PPARD: variants seen among roughly 807,000 people sequenced by gnomAD.
The protein encoded by PPARD is peroxisome proliferator-activated receptor delta.
A neutral mutation model predicts 39.5 loss-of-function variants in PPARD; 6 were observed. That is an observed-to-expected ratio of 0.15 (90% CI 0.08 to 0.30). The LOEUF is 0.30. Ranked by LOEUF, PPARD falls within the 10% of genes least tolerant of loss-of-function variation. The pLI is 1.00. For missense variants in PPARD, 397 were observed against 596.8 expected, an observed-to-expected ratio of 0.67 and a Z score of 3.49; for synonymous variants, 210 against 231.3, an observed-to-expected ratio of 0.91 and a Z score of 0.83.
Position 35,426,617 on chromosome 6 carries a change from C to CT in PPARD, c.*539dup, listed in dbSNP as rs1413997403. ...GCCATCCAAAGAAACACTAAGCTCT[C>CT]TGGGCCTGGGTTCCAGGGAAGGCTA... is the stretch of plus-strand genomic sequence containing the variant. On this transcript the variant is annotated 3_prime_UTR_variant, in exon 8 of 8. Coordinates refer to ENST00000360694, the MANE Select transcript of PPARD (RefSeq NM_006238.5). 1 of 162,924 alleles carries CT rather than the reference C, an allele frequency of 6.1e-6. No individual in the cohort carries two copies. The highest frequency in any genetic ancestry group is 2.4e-5 in the African/African-American group (1 of 41,514). 10.1% of individuals were successfully genotyped at this position (162,924 alleles called of 1,614,324 possible).
At chr6:35,348,312 A>G (rs1282832528) in intron 2 of PPARD, 1 of 976,382 alleles carries the variant, frequency 1.0e-6, no homozygotes, top group Non-Finnish European at 1.2e-6. Context: ...GTTTGCTGGT[A>G]TATATGAGAG....
At chr6:35,386,038 C>A (rs532500957) in intron 2 of PPARD, among the ~76,000 whole-genome samples, 1 of 152,188 alleles carries the variant, frequency 6.6e-6, no homozygotes, top group Admixed American at 6.5e-5. Context: ...GGGCAAGTTA[C>A]CCTCCTGTCC....
chr6:35,393,707 A>G (rs1265407862), intron 2 of PPARD, among the ~76,000 whole-genome samples: 2 of 152,178 alleles, frequency 1.3e-5, no homozygotes, highest in Non-Finnish European at 2.9e-5. Flanking sequence ...ATGCTTAAGA[A>G]GTCTTTCTGG....
chr6:35,372,379 A>G (rs1762530378), intron 2 of PPARD, among the ~76,000 whole-genome samples: 2 of 152,104 alleles, frequency 1.3e-5, no homozygotes, highest in Admixed American at 6.5e-5. Flanking sequence ...GGGTTTCACC[A>G]TGTTGGCCAG....
At chr6:35,408,243 C>T (rs1765184114) in intron 2 of PPARD, among the ~76,000 whole-genome samples, 1 of 152,246 alleles carries the variant, frequency 6.6e-6, no homozygotes, top group Admixed American at 6.5e-5. Context: ...TTTTCGGAAG[C>T]TCCTCCTGGT....
At chr6:35,403,975 C>T (rs1030306119) in intron 2 of PPARD, among the ~76,000 whole-genome samples, 2 of 152,156 alleles carry the variant, frequency 1.3e-5, no homozygotes, top group South Asian at 2.1e-4. Context: ...CTTCAGCACA[C>T]AGGAGTCATT....
chr6:35,343,869 A>G (rs1334752748), intron 1 of PPARD, among the ~76,000 whole-genome samples: 1 of 151,540 alleles, frequency 6.6e-6, no homozygotes, highest in East Asian at 1.9e-4. Context: ...CTCTGCCCTC[A>G]CTCCCACCCT....
chr6:35,406,134 C>T (rs748483711), intron 2 of PPARD, among the ~76,000 whole-genome samples: 2 of 152,176 alleles, frequency 1.3e-5, no homozygotes, highest in Non-Finnish European at 2.9e-5. Flanking sequence ...CCATGTTGCC[C>T]AGGCTGGTCT....
In PPARD at chr6:35,406,474, ATGGCAGGCTTC is replaced by A. The variant is rs1765057427; in HGVS notation, c.-101-4507_-101-4497del. Among the ~76,000 whole-genome samples, 5 of 152,292 alleles carry A rather than the reference ATGGCAGGCTTC, an allele frequency of 3.3e-5. No homozygotes were observed. The South Asian group carries it at 1.0e-3, about 32-fold the overall frequency. Reference sequence around the variant, plus strand: ...GATGGAGCAAGGAGGCCATATGAAAATGGCAGGCTTCTGGCAAAATGCAGGGATGGGCTGCA... The same window carrying A: ...GATGGAGCAAGGAGGCCATATGAAAATGGCAAAATGCAGGGATGGGCTGCA... On this transcript the variant is annotated intron_variant, in intron 2 of 7. Coordinates refer to ENST00000360694, the MANE Select transcript of PPARD (RefSeq NM_006238.5).
chr6:35,387,712 C>G (rs1414764810), intron 2 of PPARD, among the ~76,000 whole-genome samples: 3 of 138,224 alleles, frequency 2.2e-5, no homozygotes, highest in Non-Finnish European at 4.5e-5. Context: ...AGATACACTG[C>G]ATTCTTTTTT....
chr6:35,358,605 C>T (rs1761752662), intron 2 of PPARD, among the ~76,000 whole-genome samples: 1 of 152,146 alleles, frequency 6.6e-6, no homozygotes, highest in Admixed American at 6.5e-5. Context: ...GTATTTGAAA[C>T]AATCTGCACT....
At chr6:35,357,912 C>A (rs1482640284) in intron 2 of PPARD, among the ~76,000 whole-genome samples, 1 of 152,186 alleles carries the variant, frequency 6.6e-6, no homozygotes, top group African/African-American at 2.4e-5. Flanking sequence ...GGCTCCTAAT[C>A]TGACACTTCT....
chr6:35,406,550 G>A (rs188510802), intron 2 of PPARD, among the ~76,000 whole-genome samples: 33 of 152,314 alleles, frequency 2.2e-4, no homozygotes, highest in African/African-American at 5.5e-4. Context: ...CCCAAGGGAC[G>A]TGGGTAGGTT....
intron 2 of PPARD, among the ~76,000 whole-genome samples, chr6:35,362,581 A>G (rs1299204064): frequency 6.6e-6 from 1 of 152,124 alleles, no homozygotes; most frequent in Non-Finnish European, 1.5e-5. Context: ...TAGGAAGGGT[A>G]ATGCCAGGGC....
At chr6:35,353,744 T>A (rs1338421869) in intron 2 of PPARD, among the ~76,000 whole-genome samples, 5 of 151,934 alleles carry the variant, frequency 3.3e-5, no homozygotes, top group Non-Finnish European at 7.4e-5. Context: ...GCAGAAAGAA[T>A]TTGAAGGAGG....
chr6:35,423,932 C>A lies in PPARD; in HGVS notation c.425-14C>A. 6.2e-7 allele frequency: 1 copy of A among 1,613,460 alleles called. No individual in the cohort carries two copies. Among genetic ancestry groups the A allele is most frequent in the Non-Finnish European group, 8.5e-7 (1 of 1,179,996 alleles). On this transcript the variant is annotated splice_polypyrimidine_tract_variant and intron_variant, in intron 5 of 7. Transcript: ENST00000360694. ...TGCCTGGGCTCCTTGCTGACTGCCC[C>A]CTTCCCTGTGCAGCTATCCGTTTTG...
intron 1 of PPARD, among the ~76,000 whole-genome samples, chr6:35,345,490 A>G (rs977680593): frequency 6.6e-6 from 1 of 152,044 alleles, no homozygotes; most frequent in Non-Finnish European, 1.5e-5. Flanking sequence ...GGCTCTCACA[A>G]TGTCTCGAAC....
chr6:35,365,127 ATTCTTTTT>A (rs1762134884), intron 2 of PPARD, among the ~76,000 whole-genome samples: 1 of 108,670 alleles, frequency 9.2e-6, no homozygotes, highest in Admixed American at 8.9e-5. Context: ...GAGCTTCCTT[ATTCTTTTT>A]TTTTTTTTTT....
chr6:35,369,358 A>G (rs962957723), intron 2 of PPARD, among the ~76,000 whole-genome samples: 1 of 152,198 alleles, frequency 6.6e-6, no homozygotes, highest in Non-Finnish European at 1.5e-5. Context: ...GGTTTTTAGT[A>G]TTTACAGAGT....
Sources: allele counts gnomAD v4.1 joint callset (sites outside exome capture counted in the v4.1 genomes callset), GRCh38; gene constraint gnomAD v4.1.1; transcripts MANE v1.5; gene names NCBI Gene and HGNC (gene_info 2026-07-23, HGNC 2026-07-21).